Variants in ASCC3 observed in about 807,000 individuals in gnomAD.
ASCC3 encodes activating signal cointegrator 1 complex subunit 3, also known as ASC-1 complex subunit P200.
In ASCC3, 158 loss-of-function variants were observed where a neutral mutation model predicts 256.3. That is an observed-to-expected ratio of 0.62 (90% CI 0.54 to 0.70). The LOEUF is 0.70. Ranked by LOEUF, ASCC3 falls within the 30% of genes least tolerant of loss-of-function variation. ASCC3 has a pLI of 0.00. For missense variants in ASCC3, 2,259 were observed against 2,626.0 expected, an observed-to-expected ratio of 0.86 and a Z score of 3.05; for synonymous variants, 948 against 883.4, an observed-to-expected ratio of 1.07 and a Z score of -1.30.
chr6:100,674,748 T>A (rs904754407), intron 14 of ASCC3, among the ~76,000 whole-genome samples: 1 of 151,068 alleles, frequency 6.6e-6, no homozygotes, highest in Non-Finnish European at 1.5e-5. Flanking sequence ...TTCTCCTGCC[T>A]CAGCCTTCCC....
intron 13 of ASCC3, among the ~76,000 whole-genome samples, chr6:100,693,286 T>C (rs2114987585): frequency 6.6e-6 from 1 of 152,046 alleles, no homozygotes; most frequent in Non-Finnish European, 1.5e-5. Context: ...TTGGTCTGTA[T>C]AGTGAAGGTA....
intron 36 of ASCC3, among the ~76,000 whole-genome samples, chr6:100,558,204 G>A (rs1031706640): frequency 2.0e-5 from 3 of 151,990 alleles, no homozygotes; most frequent in African/African-American, 7.2e-5. Flanking sequence ...AAAGTATTAA[G>A]GGAGGATAAT....
chr6:100,565,246 C>T (rs1026867342), intron 36 of ASCC3, among the ~76,000 whole-genome samples: 1 of 152,078 alleles, frequency 6.6e-6, no homozygotes, highest in Non-Finnish European at 1.5e-5. Flanking sequence ...CCAATGGGTT[C>T]CCGACTGTTT....
intron 3 of ASCC3, among the ~76,000 whole-genome samples, chr6:100,860,599 C>T (rs117061627): frequency 3.9e-5 from 6 of 151,972 alleles, no homozygotes; most frequent in Non-Finnish European, 5.9e-5. Context: ...GCATATTAGG[C>T]AATGGAGTAG....
At chr6:100,729,008 C>G (rs532855907) in intron 10 of ASCC3, among the ~76,000 whole-genome samples, 1 of 152,238 alleles carries the variant, frequency 6.6e-6, no homozygotes, top group South Asian at 2.1e-4. Flanking sequence ...ACATAGTTTT[C>G]TGTATATACT....
At chr6:100,847,872 T>C (rs879894510) in intron 4 of ASCC3, 43 of 265,532 alleles carry the variant, frequency 1.6e-4, no homozygotes, top group Non-Finnish European at 2.1e-4. Flanking sequence ...TAAAATTAAG[T>C]TGACATCAAA....
chr6:100,872,046 T>C (rs1773766290), intron 1 of ASCC3, among the ~76,000 whole-genome samples: 1 of 152,146 alleles, frequency 6.6e-6, no homozygotes, highest in Non-Finnish European at 1.5e-5. Flanking sequence ...TTTAGTCAAG[T>C]CTTTAAAGAA....
chr6:100,521,856 A>G (rs1224915642), intron 37 of ASCC3, among the ~76,000 whole-genome samples: 4 of 152,168 alleles, frequency 2.6e-5, no homozygotes, highest in Non-Finnish European at 5.9e-5. Flanking sequence ...TGAGCTTAGG[A>G]TGAGTTCCTT....
intron 30 of ASCC3, among the ~76,000 whole-genome samples, chr6:100,609,126 T>G (rs917926849): frequency 6.6e-6 from 1 of 151,976 alleles, no homozygotes; most frequent in Non-Finnish European, 1.5e-5. Context: ...TTTAACTTTA[T>G]GGACCTAAAA....
intron 24 of ASCC3, among the ~76,000 whole-genome samples, chr6:100,640,901 C>A (rs1775090346): frequency 6.6e-6 from 1 of 151,978 alleles, no homozygotes; most frequent in Admixed American, 6.6e-5. Context: ...CAAAGGACTG[C>A]CAAATAATGA....
At chr6:100,759,294 T>G (rs1781326560) in intron 10 of ASCC3, among the ~76,000 whole-genome samples, 1 of 152,216 alleles carries the variant, frequency 6.6e-6, no homozygotes, top group Non-Finnish European at 1.5e-5. Flanking sequence ...TTTGGCATTT[T>G]CATCATGAAG....
intron 8 of ASCC3, among the ~76,000 whole-genome samples, chr6:100,782,370 T>C (rs1782492005): frequency 6.6e-6 from 1 of 152,194 alleles, no homozygotes; most frequent in South Asian, 2.1e-4. Context: ...CAATGTAAAA[T>C]ATTTTTTAGA....
At chr6:100,706,781 G>C (rs2115007622) in intron 13 of ASCC3, among the ~76,000 whole-genome samples, 1 of 152,138 alleles carries the variant, frequency 6.6e-6, no homozygotes, top group East Asian at 1.9e-4. Flanking sequence ...GATACAGAGA[G>C]AGATTTCAGT....
intron 1 of ASCC3, among the ~76,000 whole-genome samples, chr6:100,880,311 A>T (rs941348250): frequency 4.6e-5 from 7 of 152,236 alleles, no homozygotes; most frequent in Admixed American, 1.3e-4. Flanking sequence ...AATCTATGAA[A>T]CATAAAATCT....
At chr6:100,612,358 T>C (rs890489253) in intron 30 of ASCC3, among the ~76,000 whole-genome samples, 3 of 152,012 alleles carry the variant, frequency 2.0e-5, no homozygotes, top group African/African-American at 4.8e-5. Flanking sequence ...ATGTGATATA[T>C]TGTTTCAAGA....
intron 4 of ASCC3, among the ~76,000 whole-genome samples, chr6:100,809,264 T>C (rs908792738): frequency 6.6e-6 from 1 of 152,074 alleles, no homozygotes; most frequent in Non-Finnish European, 1.5e-5. Flanking sequence ...TTGACTCTTT[T>C]ATAACAATAC....
rs752780959 is a variant in ASCC3 at position 100,625,352 on chromosome 6, G to A, written c.4643-18C>T. ...TCTAATTGCTGTTGAAAAGTTGTGG[G>A]AAATAAAATGGAAAGATACTTAACC... On this transcript the variant is annotated intron_variant, in intron 29 of 41. Transcript: ENST00000369162. 2 of 1,611,042 alleles carry A rather than the reference G, an allele frequency of 1.2e-6. No individual in the cohort carries two copies. The highest frequency in any genetic ancestry group is 3.3e-5 in the Admixed American group (2 of 59,816).
chr6:100,536,314 G>T (rs942978448), intron 37 of ASCC3, among the ~76,000 whole-genome samples: 8 of 152,056 alleles, frequency 5.3e-5, no homozygotes, highest in African/African-American at 1.2e-4. Flanking sequence ...GAAATAAGAG[G>T]TATAAGAATG....
intron 8 of ASCC3, among the ~76,000 whole-genome samples, chr6:100,773,775 T>C (rs1325310653): frequency 6.6e-6 from 1 of 152,168 alleles, no homozygotes; most frequent in Non-Finnish European, 1.5e-5. Context: ...AATGATTTTA[T>C]GCTGGCTACT....
Sources: allele counts gnomAD v4.1 joint callset (sites outside exome capture counted in the v4.1 genomes callset), GRCh38; gene constraint gnomAD v4.1.1; transcripts MANE v1.5; gene names NCBI Gene and HGNC (gene_info 2026-07-23, HGNC 2026-07-21).